The following CDKN3 variants were observed in gnomAD, a reference collection of about 807,000 sequenced individuals.
The protein encoded by CDKN3 is cyclin-dependent kinase inhibitor 3.
A neutral mutation model predicts 36.1 loss-of-function variants in CDKN3; 19 were observed. The observed-to-expected ratio is 0.53, with a 90% CI of 0.37 to 0.77. The LOEUF (loss-of-function observed/expected upper bound fraction) is 0.77, where lower values mean the gene tolerates loss of function less well. CDKN3 is among the 30% of genes least tolerant of loss of function. The probability of loss-of-function intolerance (pLI) is 0.00; values close to 1 mark genes in which losing one functional copy is unlikely to be tolerated. For missense variants in CDKN3, 188 were observed against 248.6 expected (o/e 0.76, Z 1.64); for synonymous variants, 71 against 85.3 (o/e 0.83, Z 0.92).
chr14:54,399,076 C>T (rs906607405), intron 1 of CDKN3, among the ~76,000 whole-genome samples: 4 of 146,848 alleles, frequency 2.7e-5, no homozygotes, highest in African/African-American at 1.0e-4. Flanking sequence ...ACCTCTGCCT[C>T]CTGGGTTCCA....
At chr14:54,418,316 T>G in intron 7 of CDKN3, 1 of 694,764 alleles carries the variant, frequency 1.4e-6, no homozygotes, top group Non-Finnish European at 2.6e-6. Context: ...GGTACGTTCT[T>G]GGGTAGATTC....
intron 3 of CDKN3, among the ~76,000 whole-genome samples, chr14:54,404,628 G>C (rs1279548409): frequency 6.6e-6 from 1 of 151,702 alleles, no homozygotes; most frequent in Non-Finnish European, 1.5e-5. Context: ...AGGCTACAGT[G>C]CAATGGCACA....
chr14:54,401,374 G>T, intron 2 of CDKN3, 150 bp from the exon 3 acceptor site: 4 of 545,426 alleles, frequency 7.3e-6, no homozygotes, highest in Non-Finnish European at 1.3e-5. Flanking sequence ...CCAACATATT[G>T]ATACTTAACT....
At chr14:54,411,846 T>G in intron 5 of CDKN3, 140 bp downstream of exon 5, 1 of 706,926 alleles carries the variant, frequency 1.4e-6, no homozygotes, top group Non-Finnish European at 2.6e-6. Context: ...AGGAAAGCAC[T>G]GGCACAATGT....
In CDKN3 at chr14:54,420,009, T is replaced by G. The variant is rs2030674115; in HGVS notation, c.570T>G (p.His190Gln). 1 of 1,605,694 alleles carries G rather than the reference T, an allele frequency of 6.2e-7. No individual in the cohort carries two copies. The highest frequency in any genetic ancestry group is 2.2e-5 in the East Asian group (1 of 44,708). ...IQTIKQYNYL[H>Q]EFRDKLAAHL... ...TTTTTCAGCAATACAATTATCTTCA[T>G]GAGTTTCGGGACAAATTAGCTGCAC... The change falls in exon 8 of 8, where the codon CAT (histidine) becomes CAG (glutamine). Residue 190 changes from histidine to glutamine, a missense_variant. By Grantham distance (24) the His-to-Gln change is conservative. Coordinates refer to ENST00000335183, the MANE Select transcript of CDKN3 (RefSeq NM_005192.4).
intron 7 of CDKN3, chr14:54,418,465 G>A: frequency 1.7e-6 from 1 of 578,326 alleles, no homozygotes; most frequent in Non-Finnish European, 3.1e-6. Flanking sequence ...TCTTCCACAT[G>A]TACATTCCCC....
chr14:54,401,030 A>C (rs1276349065), intron 2 of CDKN3, among the ~76,000 whole-genome samples: 1 of 152,272 alleles, frequency 6.6e-6, no homozygotes, highest in Admixed American at 6.5e-5. Flanking sequence ...TAAATCACTA[A>C]TACAAATTAT....
intron 7 of CDKN3, among the ~76,000 whole-genome samples, chr14:54,419,653 A>AG (rs1022461199): frequency 6.6e-6 from 1 of 152,162 alleles, no homozygotes; most frequent in African/African-American, 2.4e-5. Context: ...CCTTCTTACC[A>AG]GGGGGGAAAA....
At chr14:54,418,310 C>T (rs1344676109) in intron 7 of CDKN3, 4 of 699,976 alleles carry the variant, frequency 5.7e-6, no homozygotes, top group South Asian at 3.0e-5. Context: ...AAACTTGGTA[C>T]GTTCTTGGGT....
At chr14:54,418,975 A>G (rs912079170) in intron 7 of CDKN3, among the ~76,000 whole-genome samples, 10 of 152,248 alleles carry the variant, frequency 6.6e-5, no homozygotes, top group African/African-American at 2.4e-4. Context: ...CCTGGCCAAC[A>G]TAACGAAACC....
chr14:54,414,023 C>G, intron 5 of CDKN3: 1 of 203,192 alleles, frequency 4.9e-6, no homozygotes, highest in South Asian at 1.2e-4. Context: ...CATGGCAGGC[C>G]TTGGCTTGCA....
intron 3 of CDKN3, among the ~76,000 whole-genome samples, chr14:54,408,189 A>G (rs1032629923): frequency 7.9e-5 from 12 of 152,322 alleles, no homozygotes; most frequent in African/African-American, 2.6e-4. Context: ...GCATCTCCAC[A>G]CTGTTTTCCA....
intron 4 of CDKN3, 84 bp downstream of exon 4, chr14:54,408,873 GTTTTT>G (rs4251625): frequency 1.4e-4 from 195 of 1,417,206 alleles, no homozygotes; most frequent in Non-Finnish European, 1.8e-4. Flanking sequence ...GAACAAATCA[GTTTTT>G]TTTTAATATA....
chr14:54,407,369 C>A (rs764605546), intron 3 of CDKN3, among the ~76,000 whole-genome samples: 1 of 152,222 alleles, frequency 6.6e-6, no homozygotes, highest in Non-Finnish European at 1.5e-5. Context: ...AAAGCTCGAG[C>A]ACTGTGCTGG....
At position 54,397,009 on chromosome 14, in the gene CDKN3, C is replaced by T. The variant is rs957687445; in HGVS notation, c.-60C>T. 7.0e-7 allele frequency: 1 copy of T among 1,434,260 alleles called. No individual in the cohort carries two copies. Among genetic ancestry groups the T allele is most frequent in the Non-Finnish European group, 9.2e-7 (1 of 1,090,396 alleles). The allele number at this position is 1,434,260 out of a possible 1,614,324, so 88.8% of individuals were successfully genotyped here. A position where few individuals can be genotyped will look rare whatever the true frequency, so the allele number is the denominator to read the frequency against. On this transcript the variant is annotated 5_prime_UTR_variant, in exon 1 of 8. Coordinates refer to ENST00000335183, the MANE Select transcript of CDKN3 (RefSeq NM_005192.4). ...CGGGGCGCGGGCTCGGCCGGGGCACCGGTGAGTCGCCGGCGCTGCAGAGGG... is the reference window on the plus strand; with the variant it reads ...CGGGGCGCGGGCTCGGCCGGGGCACTGGTGAGTCGCCGGCGCTGCAGAGGG...
chr14:54,409,348 C>T (rs979074667), intron 4 of CDKN3, among the ~76,000 whole-genome samples: 1 of 152,130 alleles, frequency 6.6e-6, no homozygotes, highest in Non-Finnish European at 1.5e-5. Context: ...ATGATACTAA[C>T]AAATGTGGAT....
At chr14:54,413,918 A>C in intron 5 of CDKN3, 1 of 981,654 alleles carries the variant, frequency 1.0e-6, no homozygotes. Flanking sequence ...TAGAGGATGT[A>C]AGTCCAAAAT....
At chr14:54,411,862 A>G in intron 5 of CDKN3, 156 bp downstream of exon 5, 1 of 691,806 alleles carries the variant, frequency 1.4e-6, no homozygotes. Context: ...AATGTCTGGT[A>G]CAGGGTAAGT....
chr14:54,410,867 T>G (rs1408310795), intron 4 of CDKN3, among the ~76,000 whole-genome samples: 1 of 152,168 alleles, frequency 6.6e-6, no homozygotes, highest in Non-Finnish European at 1.5e-5. Context: ...TATTTGCTAC[T>G]CAATTTTAAG....
Sources: gnomAD v4.1 joint callset for allele counts (sites outside exome capture counted in the v4.1 genomes callset) on GRCh38, gnomAD v4.1.1 for gene constraint, MANE v1.5 for transcripts, NCBI Gene and HGNC (gene_info 2026-07-23, HGNC 2026-07-21) for gene names.